NELL2: variants seen among roughly 807,000 people sequenced by gnomAD.
NELL2 encodes the protein protein kinase C-binding protein NELL2.
A neutral mutation model predicts 109.6 loss-of-function variants in NELL2; 41 were observed. That is an observed-to-expected ratio of 0.37 (90% CI 0.29 to 0.49). NELL2 has a LOEUF of 0.49. NELL2 is among the 20% of genes least tolerant of loss of function. NELL2 has a pLI of 0.98. For synonymous variants in NELL2, 355 were observed against 344.7 expected (o/e 1.03, Z -0.33); for missense variants, 900 against 1,008.3 (o/e 0.89, Z 1.45).
At chr12:44,657,707 C>T (rs1449681039) in intron 13 of NELL2, among the ~76,000 whole-genome samples, 1 of 152,164 alleles carries the variant, frequency 6.6e-6, no homozygotes, top group Non-Finnish European at 1.5e-5. Context: ...TCAACACTCA[C>T]TTATGAATGA....
At chr12:44,597,859 G>A (rs1945029183) in intron 15 of NELL2, among the ~76,000 whole-genome samples, 1 of 152,128 alleles carries the variant, frequency 6.6e-6, no homozygotes, top group Non-Finnish European at 1.5e-5. Context: ...GGCCAAAGAT[G>A]GAAGAGATCA....
intron 15 of NELL2, among the ~76,000 whole-genome samples, chr12:44,577,440 A>T: frequency 8.4e-6 from 1 of 119,148 alleles, no homozygotes; most frequent in Admixed American, 8.3e-5. Context: ...TAGATTCTGG[A>T]TATTAGCCCT....
At chr12:44,699,972 TTCTG>T (rs1422104022) in intron 12 of NELL2, among the ~76,000 whole-genome samples, 2 of 152,158 alleles carry the variant, frequency 1.3e-5, no homozygotes, top group Admixed American at 6.6e-5. Context: ...ATTCCAAATT[TTCTG>T]TCTAACTTAA....
At chr12:44,794,424 C>T (rs190655760) in intron 3 of NELL2, among the ~76,000 whole-genome samples, 42 of 152,280 alleles carry the variant, frequency 2.8e-4, no homozygotes, top group South Asian at 1.0e-3. Flanking sequence ...CCAACAAACA[C>T]GCTTTCCTGA....
chr12:44,787,222 C>T (rs7961127), intron 3 of NELL2, among the ~76,000 whole-genome samples: 35,792 of 151,626 alleles, frequency 0.24, 4,456 homozygotes, highest in South Asian at 0.3. Context: ...TAACAAAACA[C>T]AAACAGGTAT....
chr12:44,635,142 T>C (rs1946589350), intron 13 of NELL2, among the ~76,000 whole-genome samples: 1 of 152,182 alleles, frequency 6.6e-6, no homozygotes, highest in East Asian at 1.9e-4. Flanking sequence ...TGTTTTTTTC[T>C]TGAAAATTTG....
intron 1 of NELL2, among the ~76,000 whole-genome samples, chr12:44,906,068 T>C (rs998555934): frequency 1.1e-4 from 17 of 151,854 alleles, no homozygotes; most frequent in Non-Finnish European, 7.4e-5. Context: ...TAAAATAGGG[T>C]GTTTAGTAAT....
intron 19 of NELL2, among the ~76,000 whole-genome samples, chr12:44,517,355 C>T (rs879257169): frequency 2.0e-5 from 3 of 146,876 alleles, no homozygotes; most frequent in Non-Finnish European, 3.0e-5. Flanking sequence ...TGTCTGGTAC[C>T]TACCCACCAA....
chr12:44,648,422 G>A (rs1947173358), intron 13 of NELL2, among the ~76,000 whole-genome samples: 1 of 152,018 alleles, frequency 6.6e-6, no homozygotes, highest in Admixed American at 6.6e-5. Flanking sequence ...GTTTTGCAAA[G>A]CAGAAGCCTG....
chr12:44,566,842 G>T (rs1943679735), intron 15 of NELL2, among the ~76,000 whole-genome samples: 1 of 150,854 alleles, frequency 6.6e-6, no homozygotes, highest in South Asian at 2.1e-4. Flanking sequence ...TTTAGATGGA[G>T]TCTCTGTCGC....
At chr12:44,864,976 A>G (rs907932751) in intron 2 of NELL2, among the ~76,000 whole-genome samples, 6 of 143,976 alleles carry the variant, frequency 4.2e-5, no homozygotes, top group African/African-American at 1.6e-4. Context: ...ACTAGTTTAC[A>G]GTCCCACCAA....
At chr12:44,595,362 T>G (rs1400890781) in intron 15 of NELL2, among the ~76,000 whole-genome samples, 1 of 152,186 alleles carries the variant, frequency 6.6e-6, no homozygotes, top group African/African-American at 2.4e-5. Context: ...ACACCTCATT[T>G]AAGAAGGAGA....
chr12:44,544,676 AT>A (rs1238624812), intron 15 of NELL2, among the ~76,000 whole-genome samples: 1 of 152,126 alleles, frequency 6.6e-6, no homozygotes, highest in Non-Finnish European at 1.5e-5. Context: ...ATTTAAAAAC[AT>A]TTAGGAATCT....
chr12:44,742,316 C>T (rs554767533), intron 9 of NELL2, among the ~76,000 whole-genome samples: 24 of 152,234 alleles, frequency 1.6e-4, no homozygotes, highest in African/African-American at 5.5e-4. Flanking sequence ...CTGTACATCA[C>T]CATCATCAAA....
chr12:44,564,780 G>A (rs983789037), intron 15 of NELL2, among the ~76,000 whole-genome samples: 4 of 152,100 alleles, frequency 2.6e-5, no homozygotes, highest in African/African-American at 7.2e-5. Flanking sequence ...TTCAGATTAT[G>A]GTCTCACTTT....
intron 13 of NELL2, among the ~76,000 whole-genome samples, chr12:44,626,004 T>G (rs1320679129): frequency 6.6e-6 from 1 of 152,140 alleles, no homozygotes; most frequent in African/African-American, 2.4e-5. Flanking sequence ...GAAGCTCAAT[T>G]TTAATCATTA....
At position 44,744,681 on chromosome 12, in the gene NELL2, G is replaced by A. The variant is rs533501938; in HGVS notation, c.995-29940C>T. ...GAGAATACTATAAAGACAACTCTAC[G>A]CAAATAAACTAGAAAATCTAGAAGA... On this transcript the variant is annotated intron_variant, in intron 9 of 19. Transcript: ENST00000429094. Among the ~76,000 whole-genome samples, 7 of 152,256 alleles carry A rather than the reference G, an allele frequency of 4.6e-5. No homozygotes were observed. The South Asian group carries it at 1.0e-3, about 23-fold the overall frequency.
At chr12:44,530,581 G>A (rs1293788222) in intron 16 of NELL2, among the ~76,000 whole-genome samples, 1 of 152,178 alleles carries the variant, frequency 6.6e-6, no homozygotes, top group Non-Finnish European at 1.5e-5. Flanking sequence ...AATATAAAGT[G>A]TGAGAAGTGA....
chr12:44,659,875 A>G (rs1947676273), intron 13 of NELL2, among the ~76,000 whole-genome samples: 1 of 152,170 alleles, frequency 6.6e-6, no homozygotes, highest in Non-Finnish European at 1.5e-5. Flanking sequence ...CAAAGCCAGC[A>G]TCAGAAGGCC....
Sources: gnomAD v4.1 joint callset for allele counts (sites outside exome capture counted in the v4.1 genomes callset) on GRCh38, gnomAD v4.1.1 for gene constraint, MANE v1.5 for transcripts, NCBI Gene and HGNC (gene_info 2026-07-23, HGNC 2026-07-21) for gene names.